SLC1A1: variants seen among roughly 807,000 people sequenced by gnomAD.
SLC1A1 encodes solute carrier family 1 member 1.
A neutral mutation model predicts 53.3 loss-of-function variants in SLC1A1; 43 were observed. The ratio of observed to expected loss-of-function variants is 0.81; its 90% CI spans 0.63 to 1.04. The LOEUF (loss-of-function observed/expected upper bound fraction) is 1.04. Ranked by LOEUF, SLC1A1 falls within the 50% of genes least tolerant of loss-of-function variation. SLC1A1 has a pLI of 0.00. For missense variants in SLC1A1, 748 were observed against 664.9 expected (o/e 1.12, Z -1.37); for synonymous variants, 307 against 243.2 (o/e 1.26, Z -2.44).
At chr9:4,504,645 A>G (rs1262229293) in intron 1 of SLC1A1, among the ~76,000 whole-genome samples, 1 of 152,206 alleles carries the variant, frequency 6.6e-6, no homozygotes, top group Admixed American at 6.5e-5. Context: ...AGTGATGGAG[A>G]TAAAGATCTT....
At chr9:4,529,930 C>T (rs1425429839) in intron 1 of SLC1A1, among the ~76,000 whole-genome samples, 1 of 152,078 alleles carries the variant, frequency 6.6e-6, no homozygotes, top group African/African-American at 2.4e-5. Context: ...AAGATACATG[C>T]CTTGAATGCT....
intron 1 of SLC1A1, among the ~76,000 whole-genome samples, chr9:4,541,802 G>C (rs2130873540): frequency 6.6e-6 from 1 of 152,250 alleles, no homozygotes; most frequent in South Asian, 2.1e-4. Flanking sequence ...GGTGGGCCTG[G>C]CCTGCGTACT....
rs1296440840 is a variant in SLC1A1, at chr9:4,490,755, G to A, written c.76G>A (p.Ala26Thr). The change falls in exon 1 of 12, where the codon GCC (alanine) becomes ACC (threonine). Residue 26 changes from alanine (A) to threonine (T), a missense_variant. Physicochemically the swap from Ala to Thr is moderately conservative, Grantham distance 58 (BLOSUM62 0). Transcript: ENST00000262352. ...TAACTGGGTGTTGCTGTCCACCGTGGCCGCGGTGGTGCTAGGTGAGCGGCG... is the reference window on the plus strand; with the variant it reads ...TAACTGGGTGTTGCTGTCCACCGTGACCGCGGTGGTGCTAGGTGAGCGGCG... ...KNNWVLLSTV[A>T]AVVLGITTGV... The A allele has an allele frequency of 3.0e-5, 48 of 1,612,312 alleles. No individual in the cohort carries two copies. The highest frequency in any genetic ancestry group is 3.8e-5 in the Non-Finnish European group (45 of 1,178,880).
chr9:4,567,918 T>A (rs1053906064), intron 6 of SLC1A1, 151 bp downstream of exon 6: 4 of 697,282 alleles, frequency 5.7e-6, no homozygotes, highest in Non-Finnish European at 1.1e-5. Flanking sequence ...AAATCCATAC[T>A]TAAGGGGCTT....
chr9:4,533,656 G>A (rs1466146364), intron 1 of SLC1A1, among the ~76,000 whole-genome samples: 14 of 152,210 alleles, frequency 9.2e-5, no homozygotes, highest in East Asian at 5.8e-4. Context: ...ACAGATCAAC[G>A]AGACAGAAAG....
chr9:4,492,853 A>C (rs1820285423), intron 1 of SLC1A1, among the ~76,000 whole-genome samples: 1 of 151,670 alleles, frequency 6.6e-6, no homozygotes, highest in African/African-American at 2.4e-5. Flanking sequence ...CTCCCTCCTG[A>C]TTCCCTGTGG....
intron 2 of SLC1A1, among the ~76,000 whole-genome samples, chr9:4,545,812 T>C: frequency 6.6e-6 from 1 of 152,248 alleles, no homozygotes; most frequent in Non-Finnish European, 1.5e-5. Flanking sequence ...TAGATAGAGA[T>C]GAATTTGGTT....
chr9:4,540,685 G>A (rs1816928091), intron 1 of SLC1A1, among the ~76,000 whole-genome samples: 1 of 152,232 alleles, frequency 6.6e-6, no homozygotes, highest in African/African-American at 2.4e-5. Context: ...GTCCAAGTGA[G>A]TGGAGTTTGC....
At chr9:4,579,779 T>A (rs901691420) in intron 10 of SLC1A1, among the ~76,000 whole-genome samples, 3 of 152,220 alleles carry the variant, frequency 2.0e-5, no homozygotes, top group Admixed American at 1.3e-4. Flanking sequence ...AGTATATTTC[T>A]GTGGACTGGA....
At chr9:4,561,348 A>G (rs1586796797) in intron 2 of SLC1A1, 101 bp from the exon 3 acceptor site, 1 of 790,088 alleles carries the variant, frequency 1.3e-6, no homozygotes, top group East Asian at 2.4e-5. Flanking sequence ...GTAGATGAGA[A>G]CGCCTCTCAG....
At chr9:4,502,389 G>GAAA (rs775499017) in intron 1 of SLC1A1, among the ~76,000 whole-genome samples, 8,556 of 56,442 alleles carry the variant, frequency 0.15, 2,158 homozygotes, top group East Asian at 0.31. Context: ...CCTGTCTCCA[G>GAAA]AAAAAAAAAA....
intron 2 of SLC1A1, among the ~76,000 whole-genome samples, chr9:4,545,296 C>G: frequency 6.6e-6 from 1 of 151,090 alleles, no homozygotes; most frequent in Non-Finnish European, 1.5e-5. Context: ...ATTGCTTTGT[C>G]ATATGCTGTG....
rs1004198943 is a variant in SLC1A1, at chr9:4,587,157, C to T, written c.*1599C>T. The T allele has an allele frequency of 3.3e-5, 5 of 152,540 alleles. No homozygotes were observed. The highest frequency in any genetic ancestry group is 1.2e-4 in the African/African-American group (5 of 41,424). 9.4% of individuals were successfully genotyped at this position (152,540 alleles called of 1,614,324 possible). On this transcript the variant is annotated 3_prime_UTR_variant, in exon 12 of 12. Coordinates refer to ENST00000262352, the MANE Select transcript of SLC1A1 (RefSeq NM_004170.6). ...ATCTGAAATCTACAACATAATGATA[C>T]TGAATTGTTATGTAAACATCATAAA... is the stretch of plus-strand genomic sequence containing the variant.
intron 1 of SLC1A1, among the ~76,000 whole-genome samples, chr9:4,527,311 G>C (rs749084715): frequency 4.3e-4 from 66 of 152,168 alleles, no homozygotes; most frequent in Non-Finnish European, 7.9e-4. Context: ...GCTGTGCTCA[G>C]ACTCCTGATC....
Position 4,556,300 on chromosome 9 carries a change from G to C in SLC1A1, c.233-5149G>C, listed in dbSNP as rs998203595. Among the ~76,000 whole-genome samples, 2 of 152,136 alleles carry C rather than the reference G, an allele frequency of 1.3e-5. No individual in the cohort carries two copies. The highest frequency in any genetic ancestry group is 2.1e-4 in the South Asian group (1 of 4,832). On this transcript the variant is annotated intron_variant, in intron 2 of 11. Transcript: ENST00000262352. The surrounding 1 kb of genome is among the most constrained non-coding windows in gnomAD (Gnocchi z 4.1). ...CTCCCAAAGTGCTGGGATTACCGGCGTGAGCCACTACGCCCCGCCCCTATC... is the reference window on the plus strand; with the variant it reads ...CTCCCAAAGTGCTGGGATTACCGGCCTGAGCCACTACGCCCCGCCCCTATC...
chr9:4,528,634 G>T (rs1260381134), intron 1 of SLC1A1, among the ~76,000 whole-genome samples: 1 of 152,088 alleles, frequency 6.6e-6, no homozygotes, highest in African/African-American at 2.4e-5. Context: ...AGAGTATTCT[G>T]GTTTAAGAAG....
At chr9:4,529,982 T>C (rs984215759) in intron 1 of SLC1A1, among the ~76,000 whole-genome samples, 2 of 152,204 alleles carry the variant, frequency 1.3e-5, no homozygotes, top group Admixed American at 6.5e-5. Context: ...GAAAATATTG[T>C]ACATGTATTT....
chr9:4,563,155 A>AAC (rs1414213867), intron 3 of SLC1A1, among the ~76,000 whole-genome samples: 2 of 151,796 alleles, frequency 1.3e-5, no homozygotes, highest in Non-Finnish European at 2.9e-5. Flanking sequence ...AGAAAAAAAA[A>AAC]AAAGAAGAAT....
rs544287674 is a variant in SLC1A1 at position 4,553,033 on chromosome 9, C to T, written c.232+8326C>T. 1.5e-3 allele frequency among the ~76,000 whole-genome samples: 223 copies of T among 152,104 alleles called. 2 individuals are homozygous for T. Among genetic ancestry groups the T allele is most frequent in the South Asian group, 2.7e-3 (13 of 4,812 alleles). On this transcript the variant is annotated intron_variant, in intron 2 of 11. Coordinates refer to ENST00000262352, the MANE Select transcript of SLC1A1 (RefSeq NM_004170.6). ...ATGTAAGAAGCTTTTGCCTAGAAGT[C>T]CGAGATACCAATTTTATGGATAAAG...
Sources: allele counts gnomAD v4.1 joint callset (sites outside exome capture counted in the v4.1 genomes callset), GRCh38; gene constraint gnomAD v4.1.1; non-coding constraint Gnocchi (gnomAD v3.1); transcripts MANE v1.5; gene names NCBI Gene and HGNC (gene_info 2026-07-23, HGNC 2026-07-21).